Variants in RND3 observed in about 807,000 individuals in gnomAD.
RND3 encodes rho-related GTP-binding protein RhoE.
RND3 carries 8 observed loss-of-function variants against 26.5 expected under a neutral mutation model. That is an observed-to-expected ratio of 0.30 (90% CI 0.18 to 0.54). The LOEUF (loss-of-function observed/expected upper bound fraction) is 0.54, where lower values mean the gene tolerates loss of function less well. RND3 is among the 20% of genes least tolerant of loss of function. The probability of loss-of-function intolerance (pLI) is 0.94; values close to 1 mark genes in which losing one functional copy is unlikely to be tolerated. For missense variants in RND3, 207 were observed against 302.8 expected, an observed-to-expected ratio of 0.68 and a Z score of 2.35; for synonymous variants, 113 against 113.0, an observed-to-expected ratio of 1.00 and a Z score of 0.00.
intron 3 of RND3, among the ~76,000 whole-genome samples, chr2:150,478,579 C>CAAAAAAAAA (rs1229770069): frequency 1.9e-5 from 2 of 106,392 alleles, no homozygotes; most frequent in African/African-American, 3.7e-5. Flanking sequence ...AGCCAAACGG[C>CAAAAAAAAA]AAAAAAAAAA....
rs563680982 is a variant in RND3 at position 150,478,938 on chromosome 2, TC to T, written c.239-3955del. 2.0e-5 allele frequency among the ~76,000 whole-genome samples: 3 copies of T among 152,292 alleles called. No individual in the cohort carries two copies. In the South Asian group the frequency reaches 6.2e-4, roughly 32 times the overall value. ...TTAAGCTCGCAACCCTATTCCAAGG[TC>T]CTTTTTAAGTAACCTGCCACACCTC... On this transcript the variant is annotated intron_variant, in intron 3 of 5. Transcript: ENST00000263895.
At position 150,487,457 on chromosome 2, in the gene RND3, T is replaced by A; in HGVS notation, c.-38-2A>T. 1 of 931,018 alleles carries A rather than the reference T, an allele frequency of 1.1e-6. No individual in the cohort carries two copies. The highest frequency in any genetic ancestry group is 1.4e-6 in the Non-Finnish European group (1 of 715,892). The allele number at this position is 931,018 out of a possible 1,614,324, so 57.7% of individuals were successfully genotyped here. On this transcript the variant is annotated splice_acceptor_variant, in intron 1 of 5. Coordinates refer to ENST00000263895, the MANE Select transcript of RND3 (RefSeq NM_005168.5). LOFTEE classifies it low-confidence loss of function (5UTR_SPLICE). ...TTTCTCTTGGAACAGGAATTTTCTC[T>A]TAAGAAGAAAAAAAAAAATATATAT...
intron 4 of RND3, among the ~76,000 whole-genome samples, chr2:150,472,540 G>A (rs1281217449): frequency 6.6e-6 from 1 of 152,190 alleles, no homozygotes. Context: ...TTAAGAACAA[G>A]CAAGCAGCTT....
Position 150,483,633 on chromosome 2 carries a change from G to T in RND3, c.238+3061C>A, listed in dbSNP as rs1301785365. The stretch of plus-strand genomic sequence containing the variant: ...CAAACATTTACCAAAAAATAGTCCT[G>T]TCCAGAAATTTGCCATGAAAAGCTT... On this transcript the variant is annotated intron_variant, in intron 3 of 5. Transcript: ENST00000263895. 6.6e-5 allele frequency among the ~76,000 whole-genome samples: 10 copies of T among 152,290 alleles called. 1 individual carries two copies. In the East Asian group the frequency reaches 1.9e-3, roughly 29 times the overall value.
intron 3 of RND3, among the ~76,000 whole-genome samples, chr2:150,478,399 G>A (rs941712800): frequency 6.6e-6 from 1 of 150,614 alleles, no homozygotes; most frequent in Admixed American, 6.6e-5. Context: ...GACAACGCAT[G>A]CCAAAAAAAA....
chr2:150,468,646 T>C lies in RND3; in HGVS notation c.*1341A>G, dbSNP rs1312285110. On this transcript the variant is annotated 3_prime_UTR_variant, in exon 6 of 6. Coordinates refer to ENST00000263895, the MANE Select transcript of RND3 (RefSeq NM_005168.5). ...GCTCGTTTTCAACAAGCGCCAACAA[T>C]AAACAGGTCAGATCTGGTTTCTTCT... 2 of 152,630 alleles carry C rather than the reference T, an allele frequency of 1.3e-5. No individual in the cohort carries two copies. The highest frequency in any genetic ancestry group is 2.9e-5 in the Non-Finnish European group (2 of 68,026). 9.5% of individuals were successfully genotyped at this position (152,630 alleles called of 1,614,324 possible).
At position 150,471,714 on chromosome 2, in the gene RND3, C is replaced by A; in HGVS notation, c.396G>T (p.Leu132Phe). ...QEFCPNTKML[L>F]VGCKSDLRTD... is the part of the protein sequence containing the mutation. ...TCCGCAGATCAGACTTGCAGCCGACCAAGAGCATTTTGGTATTTGGACAAA... is the reference window on the plus strand; with the variant it reads ...TCCGCAGATCAGACTTGCAGCCGACAAAGAGCATTTTGGTATTTGGACAAA... Residue 132 changes from leucine (L) to phenylalanine (F), a missense_variant, in exon 5 of 6, where the codon TTG (leucine) becomes TTT (phenylalanine). Transcript: ENST00000263895. The A allele has an allele frequency of 6.2e-7, 1 of 1,613,156 alleles. No homozygotes were observed. Among genetic ancestry groups the A allele is most frequent in the Non-Finnish European group, 8.5e-7 (1 of 1,179,498 alleles).
intron 3 of RND3, among the ~76,000 whole-genome samples, chr2:150,476,728 G>A (rs146202528): frequency 8.5e-5 from 13 of 152,242 alleles, no homozygotes; most frequent in Admixed American, 2.0e-4. Context: ...GAATGAGGCC[G>A]TCTCTGAAAA....
chr2:150,485,060 A>G (rs1423160740), intron 3 of RND3, among the ~76,000 whole-genome samples: 1 of 152,204 alleles, frequency 6.6e-6, no homozygotes, highest in Non-Finnish European at 1.5e-5. Flanking sequence ...TACTGAAATA[A>G]GGAACCACTT....
At chr2:150,478,578 G>GAAAAAAAAAAAAA (rs752844515) in intron 3 of RND3, among the ~76,000 whole-genome samples, 18 of 74,160 alleles carry the variant, frequency 2.4e-4, no homozygotes, top group Non-Finnish European at 3.5e-4. Flanking sequence ...AAGCCAAACG[G>GAAAAAAAAAAAAA]CAAAAAAAAA....
intron 3 of RND3, among the ~76,000 whole-genome samples, chr2:150,481,173 G>T (rs995359163): frequency 6.6e-6 from 1 of 152,218 alleles, no homozygotes; most frequent in African/African-American, 2.4e-5. Flanking sequence ...AGGGAATTGT[G>T]GTGGGCCTCA....
rs1426129093 is a variant in RND3 at position 150,487,534 on chromosome 2, AGGCTGATG to A, written c.-39+7_-39+14del. 3 of 256,750 alleles carry A rather than the reference AGGCTGATG, an allele frequency of 1.2e-5. No homozygotes were observed. The highest frequency in any genetic ancestry group is 6.9e-5 in the African/African-American group (3 of 43,312). The allele number at this position is 256,750 out of a possible 1,614,324, so 15.9% of individuals were successfully genotyped here. On this transcript the variant is annotated splice_region_variant and intron_variant, in intron 1 of 5. Transcript: ENST00000263895. Reference sequence around the variant, plus strand: ...AAAGCAGATATAAAAATAAATCACAAGGCTGATGGGCAACCTCTGAAACGCGGCGCAGA... The same window carrying A: ...AAAGCAGATATAAAAATAAATCACAAGGCAACCTCTGAAACGCGGCGCAGA...
Position 150,474,893 on chromosome 2 carries a change from C to T in RND3, c.330G>A (p.Leu110=). The T allele has an allele frequency of 1.2e-6, 2 of 1,608,086 alleles. No homozygotes were observed. Among genetic ancestry groups the T allele is most frequent in the Non-Finnish European group, 1.7e-6 (2 of 1,174,676 alleles). Reference sequence around the variant, plus strand: ...CACTTGCCTTTTTGAGGACACTGTCCAGGGTCTCTGGTCTACTGATGTCAA... The same window carrying T: ...CACTTGCCTTTTTGAGGACACTGTCTAGGGTCTCTGGTCTACTGATGTCAA... ...ICFDISRPET[L]DSVLKKWKGE... is the part of the protein sequence containing the mutation. The change falls in exon 4 of 6, where the codon CTG becomes CTA. Residue 110 remains leucine (L), a synonymous_variant. Coordinates refer to ENST00000263895, the MANE Select transcript of RND3 (RefSeq NM_005168.5).
At position 150,471,777 on chromosome 2, in the gene RND3, A is replaced by C; in HGVS notation, c.349-16T>G. The C allele has an allele frequency of 1.3e-6, 2 of 1,591,600 alleles. No homozygotes were observed. The highest frequency in any genetic ancestry group is 4.5e-5 in the East Asian group (2 of 44,728). On this transcript the variant is annotated splice_polypyrimidine_tract_variant and intron_variant, in intron 4 of 5. Transcript: ENST00000263895. ...CACCTTTCCACTATGAAAGAAAAAAAAAAAAGATTAAAAATGAACAAAGTA... is the reference window on the plus strand; with the variant it reads ...CACCTTTCCACTATGAAAGAAAAAACAAAAAGATTAAAAATGAACAAAGTA...
chr2:150,477,024 G>A (rs1022493156), intron 3 of RND3, among the ~76,000 whole-genome samples: 1 of 152,160 alleles, frequency 6.6e-6, no homozygotes, highest in Admixed American at 6.5e-5. Flanking sequence ...AGATCATAGA[G>A]TGGAGCTCCA....
rs769673918 is a variant in RND3 at position 150,471,717 on chromosome 2, G to C, written c.393C>G (p.Leu131=). 8.1e-6 allele frequency: 13 copies of C among 1,612,556 alleles called. No individual in the cohort carries two copies. The highest frequency in any genetic ancestry group is 5.0e-5 in the Admixed American group (3 of 59,884). The change falls in exon 5 of 6, where the codon CTC becomes CTG. Residue 131 remains leucine (L), a synonymous_variant. Coordinates refer to ENST00000263895, the MANE Select transcript of RND3 (RefSeq NM_005168.5). ...IQEFCPNTKM[L]LVGCKSDLRT... Reference sequence around the variant, plus strand: ...GCAGATCAGACTTGCAGCCGACCAAGAGCATTTTGGTATTTGGACAAAATT... The same window carrying C: ...GCAGATCAGACTTGCAGCCGACCAACAGCATTTTGGTATTTGGACAAAATT...
chr2:150,472,746 A>G (rs1686106046), intron 4 of RND3, among the ~76,000 whole-genome samples: 1 of 152,180 alleles, frequency 6.6e-6, no homozygotes. Flanking sequence ...GACAATGATG[A>G]CTAAGACATA....
chr2:150,481,184 A>G (rs1027043485), intron 3 of RND3, among the ~76,000 whole-genome samples: 10 of 152,232 alleles, frequency 6.6e-5, no homozygotes, highest in Admixed American at 4.6e-4. Context: ...GTGGGCCTCA[A>G]TGACCATTAA....
chr2:150,476,591 G>A (rs978453668), intron 3 of RND3, among the ~76,000 whole-genome samples: 1 of 152,218 alleles, frequency 6.6e-6, no homozygotes, highest in African/African-American at 2.4e-5. Flanking sequence ...AGCTGCAGCA[G>A]CTGCCTACCC....
Sources: gnomAD v4.1 joint callset for allele counts (sites outside exome capture counted in the v4.1 genomes callset) on GRCh38, gnomAD v4.1.1 for gene constraint, MANE v1.5 for transcripts, NCBI Gene and HGNC (gene_info 2026-07-23, HGNC 2026-07-21) for gene names.